Variants in SNTG1 observed in about 807,000 individuals in gnomAD.
SNTG1 encodes syntrophin gamma 1.
SNTG1 carries 39 observed loss-of-function variants against 74.7 expected under a neutral mutation model. The observed-to-expected ratio is 0.52, with a 90% CI of 0.40 to 0.68. The LOEUF (loss-of-function observed/expected upper bound fraction) is 0.68, where lower values mean the gene tolerates loss of function less well. Ranked by LOEUF, SNTG1 falls within the 30% of genes least tolerant of loss-of-function variation. The pLI is 0.00. For synonymous variants in SNTG1, 254 were observed against 217.1 expected (o/e 1.17, Z -1.49); for missense variants, 685 against 609.5 (o/e 1.12, Z -1.30).
intron 1 of SNTG1, among the ~76,000 whole-genome samples, chr8:49,936,345 C>G (rs571628342): frequency 6.6e-6 from 1 of 152,034 alleles, no homozygotes; most frequent in Admixed American, 6.5e-5. Context: ...GTGTCGAGGT[C>G]CCTTTTGCTA....
Position 50,697,575 on chromosome 8 carries a change from C to T in SNTG1, c.1039-7025C>T, listed in dbSNP as rs536601097. ...TTGACTGTGGGTTTGTCATATATGA[C>T]CTTTATTATTTTGAGGTATGTTCCT... On this transcript the variant is annotated intron_variant, in intron 15 of 18. Coordinates refer to ENST00000642720, the MANE Select transcript of SNTG1 (RefSeq NM_018967.5). Among the ~76,000 whole-genome samples, 13 of 152,090 alleles carry T rather than the reference C, an allele frequency of 8.5e-5. No homozygotes were observed. In the South Asian group the frequency reaches 2.7e-3, roughly 32 times the overall value.
chr8:50,160,287 A>G (rs1428266389), intron 1 of SNTG1, among the ~76,000 whole-genome samples: 2 of 152,202 alleles, frequency 1.3e-5, no homozygotes, highest in Admixed American at 6.5e-5. Flanking sequence ...TTGACTTTCA[A>G]TAATATCTGA....
intron 1 of SNTG1, among the ~76,000 whole-genome samples, chr8:49,980,521 CAAAAAAAAAAAAAAAAA>C (rs565561398): frequency 1.9e-5 from 1 of 53,840 alleles, no homozygotes; most frequent in African/African-American, 7.4e-5. Context: ...GACTCCTTCG[CAAAAAAAAAAAAAAAAA>C]AAAAAAAAAA....
At chr8:50,520,318 G>C (rs1451080193) in intron 9 of SNTG1, among the ~76,000 whole-genome samples, 1 of 152,110 alleles carries the variant, frequency 6.6e-6, no homozygotes, top group East Asian at 1.9e-4. Flanking sequence ...TTAAACGTAA[G>C]ATCTAAAACC....
chr8:50,362,704 G>A (rs914816898), intron 2 of SNTG1, among the ~76,000 whole-genome samples: 2 of 151,946 alleles, frequency 1.3e-5, no homozygotes. Context: ...TGTTTATTAG[G>A]ATTTTAGGTT....
chr8:50,064,083 TG>T (rs1181461287), intron 1 of SNTG1, among the ~76,000 whole-genome samples: 1 of 152,204 alleles, frequency 6.6e-6, no homozygotes, highest in African/African-American at 2.4e-5. Flanking sequence ...CAGCTAACTC[TG>T]GGGCTATTAT....
intron 4 of SNTG1, among the ~76,000 whole-genome samples, chr8:50,406,705 A>C (rs111440504): frequency 6.6e-6 from 1 of 152,134 alleles, no homozygotes; most frequent in East Asian, 1.9e-4. Flanking sequence ...GTTGTCTACT[A>C]TTCCTAGGTG....
intron 1 of SNTG1, among the ~76,000 whole-genome samples, chr8:49,949,112 G>A (rs1481854378): frequency 1.3e-5 from 2 of 152,116 alleles, no homozygotes; most frequent in South Asian, 2.1e-4. Context: ...AGTCATATTC[G>A]TTCTGTCCAG....
chr8:50,595,373 A>G lies in SNTG1; in HGVS notation c.849+4456A>G, dbSNP rs535553436. ...TCAACCAGCTCATAAATCATTTGATAACAAACATGATGGATATTTCCCAGG... is the reference window on the plus strand; with the variant it reads ...TCAACCAGCTCATAAATCATTTGATGACAAACATGATGGATATTTCCCAGG... On this transcript the variant is annotated intron_variant, in intron 13 of 18. Coordinates refer to ENST00000642720, the MANE Select transcript of SNTG1 (RefSeq NM_018967.5). 5.9e-5 allele frequency among the ~76,000 whole-genome samples: 9 copies of G among 152,230 alleles called. No individual in the cohort carries two copies. In the South Asian group the frequency reaches 1.9e-3, roughly 32 times the overall value.
At chr8:50,427,832 T>C (rs1466232996) in intron 4 of SNTG1, among the ~76,000 whole-genome samples, 1 of 152,260 alleles carries the variant, frequency 6.6e-6, no homozygotes, top group Non-Finnish European at 1.5e-5. Context: ...TATGTTCAAA[T>C]ACAATTCATT....
chr8:50,717,854 T>C (rs1365906336), intron 17 of SNTG1, among the ~76,000 whole-genome samples: 3 of 152,154 alleles, frequency 2.0e-5, no homozygotes, highest in Non-Finnish European at 1.5e-5. Flanking sequence ...TGTGGGATAG[T>C]CCCACCCACT....
chr8:50,074,042 TAG>T (rs1821608767), intron 1 of SNTG1, among the ~76,000 whole-genome samples: 1 of 151,534 alleles, frequency 6.6e-6, no homozygotes, highest in Admixed American at 6.6e-5. Context: ...CCCCTAACAA[TAG>T]AGTCAGTTAG....
intron 1 of SNTG1, among the ~76,000 whole-genome samples, chr8:50,088,941 T>A (rs901227278): frequency 5.9e-5 from 9 of 151,584 alleles, no homozygotes; most frequent in African/African-American, 2.2e-4. Context: ...AGAGCCCGCA[T>A]GGCCAAGTCA....
intron 17 of SNTG1, among the ~76,000 whole-genome samples, chr8:50,751,136 A>G (rs149740141): frequency 9.3e-4 from 141 of 152,206 alleles, no homozygotes; most frequent in African/African-American, 3.0e-3. Flanking sequence ...AGTATTTTCT[A>G]TCACATATTT....
At chr8:49,998,132 C>A (rs938368740) in intron 1 of SNTG1, among the ~76,000 whole-genome samples, 1 of 152,078 alleles carries the variant, frequency 6.6e-6, no homozygotes, top group Non-Finnish European at 1.5e-5. Context: ...TCTACACATA[C>A]ATAAACATAC....
rs915304333 is a variant in SNTG1, at chr8:50,725,622, C to T, written c.1284+16644C>T. On this transcript the variant is annotated intron_variant, in intron 17 of 18. Transcript: ENST00000642720. ...ACCTCTAATTTCCTCTGTTTTTCACCGCCCCGTTGAAAGATTGCCTGATGC... is the reference window on the plus strand; with the variant it reads ...ACCTCTAATTTCCTCTGTTTTTCACTGCCCCGTTGAAAGATTGCCTGATGC... 5.9e-5 allele frequency among the ~76,000 whole-genome samples: 9 copies of T among 151,996 alleles called. No homozygotes were observed. The East Asian group carries it at 7.7e-4, about 13-fold the overall frequency.
intron 2 of SNTG1, among the ~76,000 whole-genome samples, chr8:50,237,373 T>G (rs2085962071): frequency 6.6e-6 from 1 of 152,200 alleles, no homozygotes; most frequent in Admixed American, 6.5e-5. Context: ...TGTACATCTA[T>G]CAGATGCCGT....
intron 2 of SNTG1, among the ~76,000 whole-genome samples, chr8:50,261,377 G>A (rs1482171020): frequency 6.6e-6 from 1 of 152,164 alleles, no homozygotes; most frequent in Non-Finnish European, 1.5e-5. Flanking sequence ...ATTGTTGTTA[G>A]TAGCCCTATC....
chr8:50,402,113 T>A, intron 3 of SNTG1, 97 bp from the exon 4 acceptor site: 1 of 1,255,374 alleles, frequency 8.0e-7, no homozygotes, highest in Non-Finnish European at 1.1e-6. Context: ...ACCTCTTAAA[T>A]GTTATTCACC....
Sources: gnomAD v4.1 joint callset for allele counts (sites outside exome capture counted in the v4.1 genomes callset) on GRCh38, gnomAD v4.1.1 for gene constraint, MANE v1.5 for transcripts, NCBI Gene and HGNC (gene_info 2026-07-23, HGNC 2026-07-21) for gene names.